The following ARFGEF3 variants were observed in gnomAD, a reference collection of about 807,000 sequenced individuals.
The protein encoded by ARFGEF3 is brefeldin A-inhibited guanine nucleotide-exchange protein 3.
A neutral mutation model predicts 221.7 loss-of-function variants in ARFGEF3; 96 were observed. The ratio of observed to expected loss-of-function variants is 0.43; its 90% CI spans 0.37 to 0.51. ARFGEF3 has a LOEUF of 0.51. Among genes scored for constraint, ARFGEF3 ranks in the 20% least tolerant of loss-of-function variants. The pLI is 0.00. For missense variants in ARFGEF3, 2,410 were observed against 2,789.9 expected (o/e 0.86, Z 3.07); for synonymous variants, 1,145 against 1,126.8 (o/e 1.02, Z -0.32).
chr6:138,241,715 A>C (rs1305221877), intron 6 of ARFGEF3, among the ~76,000 whole-genome samples: 1 of 152,262 alleles, frequency 6.6e-6, no homozygotes, highest in African/African-American at 2.4e-5. Context: ...TGCAGTGGAA[A>C]GAAAATAAAT....
chr6:138,170,449 T>G (rs953404963), intron 1 of ARFGEF3, among the ~76,000 whole-genome samples: 17 of 152,306 alleles, frequency 1.1e-4, no homozygotes, highest in Middle Eastern at 3.4e-3. Flanking sequence ...CTTTTAACTT[T>G]CCCCTCCTAG....
chr6:138,270,664 G>A (rs1245186296), intron 12 of ARFGEF3, among the ~76,000 whole-genome samples: 1 of 152,198 alleles, frequency 6.6e-6, no homozygotes, highest in Non-Finnish European at 1.5e-5. Context: ...TGAAAGGTGA[G>A]GATTCATCCA....
rs759587649 is a variant in ARFGEF3 at position 138,294,099 on chromosome 6, A to G, written c.3475A>G (p.Thr1159Ala). ...TCAGCTTTTCCATTCTGTTACAGAT[A>G]CAGTTGATTACTCTCTGGCAATGCC... ...QSQLFHSVTDTVDYSLAMPGE... is the reference protein window; with the variant it reads ...QSQLFHSVTDAVDYSLAMPGE... Residue 1159 changes from threonine to alanine, a missense_variant, in exon 20 of 34, where the codon ACA (threonine) becomes GCA (alanine). Thr to Ala is a moderately conservative substitution (Grantham distance 58, BLOSUM62 0). This residue lies in a region of ARFGEF3 where 723 missense variants were observed against 991.9 expected (regional missense o/e 0.73). Coordinates refer to ENST00000251691, the MANE Select transcript of ARFGEF3 (RefSeq NM_020340.5). 1.2e-6 allele frequency: 2 copies of G among 1,613,896 alleles called. No individual in the cohort carries two copies. The highest frequency in any genetic ancestry group is 1.1e-5 in the South Asian group (1 of 91,028).
chr6:138,321,074 G>A, intron 28 of ARFGEF3, 37 bp from the exon 29 acceptor site: 1 of 1,224,088 alleles, frequency 8.2e-7, no homozygotes, highest in South Asian at 1.3e-5. Context: ...CTTTACACTA[G>A]AGCTGTGTGA....
At chr6:138,281,098 TGAG>T (rs1308331870) in intron 14 of ARFGEF3, among the ~76,000 whole-genome samples, 1 of 151,856 alleles carries the variant, frequency 6.6e-6, no homozygotes, top group African/African-American at 2.4e-5. Flanking sequence ...AAAGGAAAAA[TGAG>T]GAGGATTTCA....
chr6:138,323,904 G>A, intron 30 of ARFGEF3, 119 bp from the exon 31 acceptor site: 1 of 1,548,700 alleles, frequency 6.5e-7, no homozygotes, highest in Non-Finnish European at 8.8e-7. Context: ...TGCAGAGAGT[G>A]AGAAAGAAGT....
intron 7 of ARFGEF3, among the ~76,000 whole-genome samples, chr6:138,244,660 A>G (rs1024047343): frequency 2.0e-5 from 3 of 152,232 alleles, no homozygotes; most frequent in Non-Finnish European, 4.4e-5. Flanking sequence ...AGTATCAACA[A>G]AGACCATGTG....
At chr6:138,166,140 C>T (rs1010800002) in intron 1 of ARFGEF3, among the ~76,000 whole-genome samples, 5 of 152,168 alleles carry the variant, frequency 3.3e-5, no homozygotes, top group Admixed American at 6.5e-5. Flanking sequence ...CAGGGACTGC[C>T]GTTTATGCTT....
chr6:138,334,926 C>T lies in ARFGEF3; in HGVS notation c.6080C>T (p.Thr2027Ile). The change falls in exon 33 of 34, where the codon ACC becomes ATC. Residue 2027 changes from threonine (T) to isoleucine (I), a missense_variant. Physicochemically the swap from Thr to Ile is moderately conservative, Grantham distance 89. This residue lies in a region of ARFGEF3 where 339 missense variants were observed against 334.9 expected (regional missense o/e 1.01). Transcript: ENST00000251691. The surrounding 1 kb of genome is among the most constrained non-coding windows in gnomAD (Gnocchi z 5.1). ...GACAAGACCATTTCAAAGTTGATGA[C>T]CGAATACAAAAAGAGGAAACAGCAG... Reference protein sequence around the residue: ...AADKTISKLMTEYKKRKQQHN... With the variant: ...AADKTISKLMIEYKKRKQQHN... 1 of 1,589,820 alleles carries T rather than the reference C, an allele frequency of 6.3e-7. No homozygotes were observed. Among genetic ancestry groups the T allele is most frequent in the Non-Finnish European group, 8.6e-7 (1 of 1,168,750 alleles).
intron 5 of ARFGEF3, among the ~76,000 whole-genome samples, chr6:138,235,760 T>C (rs1371880636): frequency 2.0e-5 from 3 of 149,482 alleles, no homozygotes; most frequent in Non-Finnish European, 4.4e-5. Flanking sequence ...GAGAAAGCAT[T>C]TCTTTCTGGG....
intron 9 of ARFGEF3, 37 bp from the exon 10 acceptor site, chr6:138,255,399 C>A: frequency 6.8e-7 from 1 of 1,466,502 alleles, no homozygotes; most frequent in Non-Finnish European, 9.3e-7. Context: ...TCATTTGGCT[C>A]GTGGGGAAAG....
intron 14 of ARFGEF3, among the ~76,000 whole-genome samples, chr6:138,284,942 G>A (rs946223685): frequency 9.2e-5 from 14 of 152,196 alleles, no homozygotes; most frequent in African/African-American, 3.4e-4. Flanking sequence ...TCATAACAGA[G>A]TAGTATTTGT....
chr6:138,319,681 T>A, intron 27 of ARFGEF3, 22 bp from the exon 28 acceptor site: 1 of 1,570,956 alleles, frequency 6.4e-7, no homozygotes, highest in East Asian at 2.3e-5. Context: ...AGGTTGTTGC[T>A]ACGCTGACTT....
intron 12 of ARFGEF3, among the ~76,000 whole-genome samples, chr6:138,272,142 CATTTATTTATTT>C (rs6149826): frequency 6.1e-5 from 9 of 148,758 alleles, no homozygotes; most frequent in South Asian, 2.2e-4. Context: ...TAGCAGATGC[CATTTATTTATTT>C]ATTTATTTAT....
At chr6:138,190,380 G>T (rs140197107) in intron 2 of ARFGEF3, among the ~76,000 whole-genome samples, 2,190 of 152,030 alleles carry the variant, frequency 0.014, 29 homozygotes, top group Middle Eastern at 0.058. Context: ...CATTTGGAAG[G>T]ATGGATGGAT....
chr6:138,239,346 A>T (rs899604167), intron 6 of ARFGEF3, among the ~76,000 whole-genome samples: 3 of 152,192 alleles, frequency 2.0e-5, no homozygotes, highest in Non-Finnish European at 4.4e-5. Context: ...TTATTTGTTC[A>T]AATGGAAAAT....
At chr6:138,306,581 G>A (rs187994934) in intron 22 of ARFGEF3, among the ~76,000 whole-genome samples, 244 of 150,808 alleles carry the variant, frequency 1.6e-3, no homozygotes, top group African/African-American at 5.4e-3. Context: ...ACACAGTGTG[G>A]TATTGGTTTG....
At chr6:138,202,177 CT>C (rs1777549188) in intron 2 of ARFGEF3, among the ~76,000 whole-genome samples, 2 of 152,180 alleles carry the variant, frequency 1.3e-5, no homozygotes, top group Admixed American at 6.5e-5. Context: ...AAATAATCGC[CT>C]AATGTAATCG....
chr6:138,183,830 T>C (rs1264919317), intron 2 of ARFGEF3, among the ~76,000 whole-genome samples: 1 of 152,174 alleles, frequency 6.6e-6, no homozygotes, highest in Non-Finnish European at 1.5e-5. Flanking sequence ...GGTGCCTCTG[T>C]TTCCCCAGTG....
Sources: allele counts gnomAD v4.1 joint callset (sites outside exome capture counted in the v4.1 genomes callset), GRCh38; gene constraint gnomAD v4.1.1; regional missense constraint gnomAD v4.1.1; non-coding constraint Gnocchi (gnomAD v3.1); transcripts MANE v1.5; gene names NCBI Gene and HGNC (gene_info 2026-07-23, HGNC 2026-07-21).